The following GRIA1 variants were observed in gnomAD, a reference collection of about 807,000 sequenced individuals.
GRIA1 encodes the protein glutamate receptor 1.
In GRIA1, 31 loss-of-function variants were observed where a neutral mutation model predicts 99.2. That is an observed-to-expected ratio of 0.31 (90% CI 0.23 to 0.42). GRIA1 has a LOEUF of 0.42. Ranked by LOEUF, GRIA1 falls within the 10% of genes least tolerant of loss-of-function variation. GRIA1 has a pLI of 1.00. For missense variants in GRIA1, 782 were observed against 1,157.5 expected (o/e 0.68, Z 4.71); for synonymous variants, 438 against 432.4 (o/e 1.01, Z -0.16).
At chr5:153,808,666 C>A (rs917792806) in intron 15 of GRIA1, among the ~76,000 whole-genome samples, 1 of 152,168 alleles carries the variant, frequency 6.6e-6, no homozygotes, top group Admixed American at 6.5e-5. Flanking sequence ...CTGGATGGTT[C>A]CAATGTGCAA....
At position 153,811,285 on chromosome 5, in the gene GRIA1, C is replaced by G; in HGVS notation, c.*60C>G. 4.9e-6 allele frequency: 6 copies of G among 1,212,908 alleles called. No individual in the cohort carries two copies. Among genetic ancestry groups the G allele is most frequent in the Non-Finnish European group, 7.3e-6 (6 of 825,034 alleles). 75.1% of individuals were successfully genotyped at this position (1,212,908 alleles called of 1,614,324 possible). A position where few individuals can be genotyped will look rare whatever the true frequency, so the allele number is the denominator to read the frequency against. On this transcript the variant is annotated 3_prime_UTR_variant, in exon 16 of 16. Coordinates refer to ENST00000285900, the MANE Select transcript of GRIA1 (RefSeq NM_000827.4). ...CGGGCTCCCCAGCCCCATCCCAAAC[C>G]CTTCAGTGCCAAAAACAACAACAAA...
chr5:153,635,398 C>A (rs1018282655), intron 2 of GRIA1, among the ~76,000 whole-genome samples: 1 of 152,238 alleles, frequency 6.6e-6, no homozygotes, highest in Non-Finnish European at 1.5e-5. Context: ...CAACCCACTT[C>A]TCTTTGGCTA....
intron 11 of GRIA1, among the ~76,000 whole-genome samples, chr5:153,719,222 C>G (rs921320197): frequency 1.3e-5 from 2 of 152,134 alleles, no homozygotes; most frequent in Non-Finnish European, 2.9e-5. Context: ...GCCTCTTACA[C>G]TAATTTTCTT....
At chr5:153,523,487 C>A (rs1757331288) in intron 2 of GRIA1, among the ~76,000 whole-genome samples, 1 of 150,762 alleles carries the variant, frequency 6.6e-6, no homozygotes, top group Non-Finnish European at 1.5e-5. Context: ...ACTCATTTGA[C>A]CCTGAACTCA....
At chr5:153,662,619 C>T in intron 5 of GRIA1, among the ~76,000 whole-genome samples, 1 of 152,156 alleles carries the variant, frequency 6.6e-6, no homozygotes. Flanking sequence ...CTATGAAACT[C>T]ATCTCACCCG....
intron 2 of GRIA1, among the ~76,000 whole-genome samples, chr5:153,512,717 C>T (rs1008748235): frequency 1.5e-4 from 23 of 152,320 alleles, no homozygotes; most frequent in Non-Finnish European, 2.5e-4. Flanking sequence ...CATCTAATTG[C>T]GTTTAAACTT....
intron 2 of GRIA1, among the ~76,000 whole-genome samples, chr5:153,555,343 A>G (rs1335395042): frequency 2.6e-5 from 4 of 151,732 alleles, no homozygotes; most frequent in Non-Finnish European, 5.9e-5. Flanking sequence ...AGCAAATTCC[A>G]TTTCATTTTT....
At chr5:153,550,496 G>A (rs1440580569) in intron 2 of GRIA1, among the ~76,000 whole-genome samples, 2 of 151,978 alleles carry the variant, frequency 1.3e-5, no homozygotes, top group Non-Finnish European at 2.9e-5. Flanking sequence ...ACAACTGGTT[G>A]GATGAATTGT....
rs1416348247 is a variant in GRIA1 at position 153,794,669 on chromosome 5, G to A, written c.2319G>A (p.Leu773=). 6.2e-7 allele frequency: 1 copy of A among 1,613,834 alleles called. No individual in the cohort carries two copies. The highest frequency in any genetic ancestry group is 1.1e-5 in the South Asian group (1 of 91,068). The part of the protein sequence containing the change: ...AVLKLNEQGL[L]DKLKNKWWYD... ...TAAAACTGAACGAGCAGGGGCTTTT[G>A]GACAAATTGAAAAACAAATGGTGGT... is the stretch of plus-strand genomic sequence containing the variant. The change falls in exon 14 of 16, where the codon TTG becomes TTA. Residue 773 remains leucine (L), a synonymous_variant. Coordinates refer to ENST00000285900, the MANE Select transcript of GRIA1 (RefSeq NM_000827.4).
chr5:153,526,791 A>T (rs1757641105), intron 2 of GRIA1, among the ~76,000 whole-genome samples: 2 of 152,258 alleles, frequency 1.3e-5, no homozygotes, highest in Admixed American at 6.5e-5. Context: ...CAAAGCAAAA[A>T]GATCAGCAGC....
intron 2 of GRIA1, among the ~76,000 whole-genome samples, chr5:153,635,673 C>T (rs531586880): frequency 6.6e-6 from 1 of 152,314 alleles, no homozygotes; most frequent in South Asian, 2.1e-4. Context: ...AAGAGAGCTC[C>T]TCACCCCAGC....
intron 4 of GRIA1, 32 bp downstream of exon 4, chr5:153,650,546 G>C (rs778097251): frequency 6.3e-7 from 1 of 1,599,640 alleles, no homozygotes. Context: ...CAGGGTGGGT[G>C]CGGGAGGTGA....
chr5:153,665,638 G>C (rs192226114), intron 5 of GRIA1, among the ~76,000 whole-genome samples: 3 of 152,152 alleles, frequency 2.0e-5, no homozygotes, highest in Admixed American at 6.5e-5. Context: ...ATATTCATGC[G>C]CACATACCTG....
intron 2 of GRIA1, among the ~76,000 whole-genome samples, chr5:153,572,720 G>A (rs1220146764): frequency 6.6e-6 from 1 of 152,296 alleles, no homozygotes; most frequent in African/African-American, 2.4e-5. Context: ...GGATGATTGT[G>A]AGATGCAAAG....
At chr5:153,509,575 A>C (rs2113299447) in intron 2 of GRIA1, among the ~76,000 whole-genome samples, 1 of 152,328 alleles carries the variant, frequency 6.6e-6, no homozygotes, top group Admixed American at 6.5e-5. Flanking sequence ...TTGCAACCCA[A>C]CTGCCTAGGG....
chr5:153,724,790 T>C (rs1380633513), intron 11 of GRIA1, among the ~76,000 whole-genome samples: 59 of 150,752 alleles, frequency 3.9e-4, no homozygotes, highest in African/African-American at 1.1e-3. Context: ...CTGAAAGTGA[T>C]GGGGAGAATG....
chr5:153,788,386 C>T (rs1478499119), intron 13 of GRIA1, among the ~76,000 whole-genome samples: 1 of 152,148 alleles, frequency 6.6e-6, no homozygotes, highest in Admixed American at 6.5e-5. Flanking sequence ...CCTTCTCCTC[C>T]CTGCATTGGG....
At chr5:153,706,927 T>C (rs1758936891) in intron 11 of GRIA1, among the ~76,000 whole-genome samples, 1 of 152,068 alleles carries the variant, frequency 6.6e-6, no homozygotes, top group African/African-American at 2.4e-5. Flanking sequence ...AAACCCTGTC[T>C]CTACTAAAAA....
At chr5:153,615,312 T>A (rs75053155) in intron 2 of GRIA1, among the ~76,000 whole-genome samples, 14,685 of 152,248 alleles carry the variant, frequency 0.096, 852 homozygotes, top group Middle Eastern at 0.17. Flanking sequence ...GGAGAGCTCA[T>A]AATCCAGGTA....
Sources: allele counts gnomAD v4.1 joint callset (sites outside exome capture counted in the v4.1 genomes callset), GRCh38; gene constraint gnomAD v4.1.1; transcripts MANE v1.5; gene names NCBI Gene and HGNC (gene_info 2026-07-23, HGNC 2026-07-21).